The following CACNA1A variants were observed in gnomAD, a reference collection of about 807,000 sequenced individuals.
The protein encoded by CACNA1A is voltage-dependent P/Q-type calcium channel subunit alpha-1A.
In CACNA1A, 57 loss-of-function variants were observed where a neutral mutation model predicts 262.4. That is an observed-to-expected ratio of 0.22 (90% CI 0.18 to 0.27). The LOEUF (loss-of-function observed/expected upper bound fraction) is 0.27, where lower values mean the gene tolerates loss of function less well. CACNA1A is among the 10% of genes least tolerant of loss of function. CACNA1A has a pLI of 1.00. For missense variants in CACNA1A, 2,526 were observed against 3,562.8 expected, an observed-to-expected ratio of 0.71 and a Z score of 7.41; for synonymous variants, 1,431 against 1,419.3, an observed-to-expected ratio of 1.01 and a Z score of -0.18.
intron 1 of CACNA1A, among the ~76,000 whole-genome samples, chr19:13,500,230 T>C (rs1170891246): frequency 2.6e-5 from 4 of 152,226 alleles, no homozygotes; most frequent in African/African-American, 9.6e-5. Flanking sequence ...CCTTTTCTCA[T>C]TTGCTCAGCA....
intron 1 of CACNA1A, among the ~76,000 whole-genome samples, chr19:13,495,245 T>C (rs1981359049): frequency 6.6e-6 from 1 of 152,202 alleles, no homozygotes; most frequent in Non-Finnish European, 1.5e-5. Context: ...CACTGTCCCC[T>C]ACCCTCAAGG....
In CACNA1A at chr19:13,241,282, ACCCCAAACAGAAAAC is replaced by A. The variant is rs545223168; in HGVS notation, c.4950+3885_4950+3899del. ...CCTTTCTCTGCAAAAGACGCAAACC[ACCCCAAACAGAAAAC>A]CCCCATTCAGAACCCGATAAAAACA... On this transcript the variant is annotated intron_variant, in intron 31 of 46. Transcript: ENST00000360228. This position sits in a 1 kb window ranked among gnomAD's most constrained non-coding sequence, Gnocchi z 4.0. 5.9e-5 allele frequency among the ~76,000 whole-genome samples: 9 copies of A among 151,896 alleles called. No individual in the cohort carries two copies. The East Asian group carries it at 1.6e-3, about 26-fold the overall frequency.
At chr19:13,287,230 AG>A (rs2057424246) in intron 19 of CACNA1A, among the ~76,000 whole-genome samples, 1 of 152,056 alleles carries the variant, frequency 6.6e-6, no homozygotes, top group Non-Finnish European at 1.5e-5. Context: ...GTGTGCCTGT[AG>A]TTCTAGCTAC....
chr19:13,305,094 G>A (rs1192417011), intron 15 of CACNA1A, among the ~76,000 whole-genome samples: 1 of 152,212 alleles, frequency 6.6e-6, no homozygotes, highest in Non-Finnish European at 1.5e-5. Context: ...ACCAGTAGGG[G>A]AGAGGAGAAG....
intron 19 of CACNA1A, among the ~76,000 whole-genome samples, chr19:13,294,653 A>G (rs1295027193): frequency 6.6e-6 from 1 of 151,724 alleles, no homozygotes; most frequent in African/African-American, 2.4e-5. Context: ...ACGCCTGGCT[A>G]ATTTTTTGTA....
At chr19:13,231,274 C>T (rs990174972) in intron 35 of CACNA1A, among the ~76,000 whole-genome samples, 1 of 151,926 alleles carries the variant, frequency 6.6e-6, no homozygotes, top group African/African-American at 2.4e-5. Context: ...CTCAGCCTCC[C>T]GAAGTGTTGG....
intron 31 of CACNA1A, among the ~76,000 whole-genome samples, chr19:13,243,473 G>A (rs967280989): frequency 1.3e-5 from 2 of 152,138 alleles, no homozygotes; most frequent in Non-Finnish European, 2.9e-5. Context: ...AGCTGTCAGT[G>A]TACTCTCAGG....
At position 13,388,113 on chromosome 19, in the gene CACNA1A, C is replaced by A. The variant is rs554684697; in HGVS notation, c.540-16334G>T. 4.6e-5 allele frequency among the ~76,000 whole-genome samples: 7 copies of A among 151,984 alleles called. No individual in the cohort carries two copies. The South Asian group carries it at 1.5e-3, about 32-fold the overall frequency. On this transcript the variant is annotated intron_variant, in intron 3 of 46. Coordinates refer to ENST00000360228, the MANE Select transcript of CACNA1A (RefSeq NM_001127222.2). The stretch of plus-strand genomic sequence containing the variant: ...AGGCCAAATATTTCTAAGATGGGTA[C>A]CAAGGAGCAGAACCACTTCCCATAC...
chr19:13,407,565 G>A (rs192519382), intron 3 of CACNA1A, among the ~76,000 whole-genome samples: 243 of 152,276 alleles, frequency 1.6e-3, no homozygotes, highest in Non-Finnish European at 2.8e-3. Flanking sequence ...TCAGAGATCT[G>A]CTTCTTCTTT....
rs567508318 is a variant in CACNA1A, at chr19:13,335,990, C to T, written c.979-81G>A. 7.9e-5 allele frequency: 63 copies of T among 800,422 alleles called. No individual in the cohort carries two copies. The South Asian group carries it at 8.8e-4, about 11-fold the overall frequency. 49.6% of individuals were successfully genotyped at this position (800,422 alleles called of 1,614,324 possible). ...CTGACAGGTGAGGGAAGGGGAAGCT[C>T]GGTTCTCTTGTGGCTCTGTCTTAAA... On this transcript the variant is annotated intron_variant, in intron 6 of 46. Transcript: ENST00000360228.
intron 27 of CACNA1A, 115 bp downstream of exon 27, chr19:13,259,449 G>A (rs2056669934): frequency 2.2e-6 from 2 of 918,354 alleles, no homozygotes; most frequent in South Asian, 1.7e-5. Flanking sequence ...TGGGATTACA[G>A]GCGTGAGCCA....
At chr19:13,478,920 T>A (rs1368817911) in intron 1 of CACNA1A, among the ~76,000 whole-genome samples, 1 of 152,168 alleles carries the variant, frequency 6.6e-6, no homozygotes, top group East Asian at 1.9e-4. Context: ...CTCACAGTAA[T>A]CCCAGCACTT....
chr19:13,240,537 T>C (rs1049853139), intron 31 of CACNA1A, among the ~76,000 whole-genome samples: 2 of 150,136 alleles, frequency 1.3e-5, no homozygotes, highest in African/African-American at 2.5e-5. Context: ...TGTGTGTGCA[T>C]AGTGGTGTGT....
chr19:13,376,837 T>C (rs1334885976), intron 3 of CACNA1A, among the ~76,000 whole-genome samples: 1 of 146,554 alleles, frequency 6.8e-6, no homozygotes, highest in Non-Finnish European at 1.5e-5. Context: ...ACACATGTTA[T>C]ATGTGATATA....
chr19:13,375,566 T>C (rs568727665), intron 3 of CACNA1A, among the ~76,000 whole-genome samples: 26 of 152,270 alleles, frequency 1.7e-4, no homozygotes, highest in African/African-American at 6.3e-4. Flanking sequence ...GGTGAGAGGA[T>C]GGCTTGAGCC....
At chr19:13,311,702 T>C (rs2058038270) in intron 12 of CACNA1A, among the ~76,000 whole-genome samples, 1 of 152,040 alleles carries the variant, frequency 6.6e-6, no homozygotes, top group South Asian at 2.1e-4. Flanking sequence ...CCAGGTATGA[T>C]GGCGGGCACC....
chr19:13,489,021 T>TTTTTTTTTTTTTTTTTTTTTTTC (rs1980419612), intron 1 of CACNA1A, among the ~76,000 whole-genome samples: 1 of 131,240 alleles, frequency 7.6e-6, no homozygotes. Context: ...TTTTTTTTTT[T>TTTTTTTTTTTTTTTTTTTTTTTC]TTTTTTTTGA....
At chr19:13,368,307 C>T (rs1472875469) in intron 4 of CACNA1A, among the ~76,000 whole-genome samples, 1 of 151,602 alleles carries the variant, frequency 6.6e-6, no homozygotes, top group Admixed American at 6.6e-5. Context: ...AGAGCAAGAG[C>T]CTTAGTTAGT....
chr19:13,371,913 C>T, intron 3 of CACNA1A, 134 bp from the exon 4 acceptor site: 1 of 699,368 alleles, frequency 1.4e-6, no homozygotes, highest in Non-Finnish European at 2.6e-6. Context: ...CACCACTGGC[C>T]TCAGTTTTGT....
Sources: gnomAD v4.1 joint callset for allele counts (sites outside exome capture counted in the v4.1 genomes callset) on GRCh38, gnomAD v4.1.1 for gene constraint, Gnocchi (gnomAD v3.1) non-coding constraint, MANE v1.5 for transcripts, NCBI Gene and HGNC (gene_info 2026-07-23, HGNC 2026-07-21) for gene names.